The following GULP1 variants were observed in gnomAD, a reference collection of about 807,000 sequenced individuals.
GULP1 encodes GULP PTB domain containing engulfment adaptor 1.
A neutral mutation model predicts 40.9 loss-of-function variants in GULP1; 19 were observed. That is an observed-to-expected ratio of 0.46 (90% CI 0.32 to 0.68). The LOEUF (loss-of-function observed/expected upper bound fraction) is 0.68, where lower values mean the gene tolerates loss of function less well. Ranked by LOEUF, GULP1 falls within the 30% of genes least tolerant of loss-of-function variation. The pLI, the probability that GULP1 is intolerant of heterozygous loss-of-function variation, is 0.03. For missense variants in GULP1, 312 were observed against 362.2 expected, an observed-to-expected ratio of 0.86 and a Z score of 1.12; for synonymous variants, 119 against 117.6, an observed-to-expected ratio of 1.01 and a Z score of -0.08.
chr2:188,576,003 T>C (rs866909678), intron 9 of GULP1, among the ~76,000 whole-genome samples: 4 of 150,210 alleles, frequency 2.7e-5, no homozygotes, highest in Non-Finnish European at 5.9e-5. Context: ...TTGGGGGCAG[T>C]ACACACACAC....
At chr2:188,299,494 T>C (rs891889950) in intron 1 of GULP1, among the ~76,000 whole-genome samples, 9 of 152,234 alleles carry the variant, frequency 5.9e-5, no homozygotes, top group Non-Finnish European at 1.0e-4. Flanking sequence ...ATTCACTTAA[T>C]ATACATTTGA....
intron 4 of GULP1, among the ~76,000 whole-genome samples, chr2:188,495,327 A>G (rs992060356): frequency 6.6e-6 from 1 of 152,078 alleles, no homozygotes; most frequent in African/African-American, 2.4e-5. Context: ...CCAGGCCCCA[A>G]CCCCATCACC....
chr2:188,346,632 A>G (rs906189968), intron 1 of GULP1, among the ~76,000 whole-genome samples: 1 of 151,642 alleles, frequency 6.6e-6, no homozygotes, highest in African/African-American at 2.4e-5. Flanking sequence ...AACTGGGACT[A>G]CAGGCGCCGG....
At chr2:188,295,978 C>T (rs940132447) in intron 1 of GULP1, among the ~76,000 whole-genome samples, 4 of 151,480 alleles carry the variant, frequency 2.6e-5, no homozygotes, top group East Asian at 1.9e-4. Flanking sequence ...TGATTCAATT[C>T]GCGATATTGC....
chr2:188,482,450 T>C (rs2061512522), intron 3 of GULP1, among the ~76,000 whole-genome samples: 1 of 151,844 alleles, frequency 6.6e-6, no homozygotes, highest in Non-Finnish European at 1.5e-5. Context: ...CTATTTATAA[T>C]ACTGATTCCA....
At position 188,375,681 on chromosome 2, in the gene GULP1, A is replaced by C. The variant is rs182501515; in HGVS notation, c.-171-8082A>C. Among the ~76,000 whole-genome samples the C allele has an allele frequency of 4.2e-3, 634 of 152,308 alleles. 7 individuals are homozygous for C. The highest frequency in any genetic ancestry group is 0.015 in the African/African-American group (609 of 41,566). On this transcript the variant is annotated intron_variant, in intron 1 of 11. Transcript: ENST00000409830. ...TGGCTTTTAGAATAGATGTTGTATA[A>C]ATATTTTCTTTAATCATCTGAATAT...
chr2:188,514,082 T>TGTGTGTGTGTGC (rs766246317), intron 4 of GULP1, among the ~76,000 whole-genome samples: 244 of 149,318 alleles, frequency 1.6e-3, no homozygotes, highest in East Asian at 2.6e-3. Flanking sequence ...TGTGTGTGTG[T>TGTGTGTGTGTGC]GCGCCCTGCC....
intron 1 of GULP1, among the ~76,000 whole-genome samples, chr2:188,321,738 C>T (rs1184377161): frequency 6.6e-6 from 1 of 151,828 alleles, no homozygotes; most frequent in Non-Finnish European, 1.5e-5. Context: ...CTCAGGTAGC[C>T]AAGCATGGTG....
intron 1 of GULP1, among the ~76,000 whole-genome samples, chr2:188,305,772 T>TA (rs72135247): frequency 0.15 from 23,043 of 152,070 alleles, 1,870 homozygotes; most frequent in African/African-American, 0.17. Context: ...TTCTTCTTTT[T>TA]AAAAAGATTT....
chr2:188,393,406 G>T (rs2050789757), intron 2 of GULP1, among the ~76,000 whole-genome samples: 1 of 151,540 alleles, frequency 6.6e-6, no homozygotes, highest in Admixed American at 6.6e-5. Flanking sequence ...GCTTGATTTT[G>T]GTTCCCATTT....
chr2:188,497,447 A>G (rs922777540), intron 4 of GULP1, among the ~76,000 whole-genome samples: 2 of 152,028 alleles, frequency 1.3e-5, no homozygotes, highest in African/African-American at 2.4e-5. Flanking sequence ...GATAAAGATA[A>G]TGGACTATTA....
At chr2:188,408,810 T>C (rs1339710933) in intron 2 of GULP1, among the ~76,000 whole-genome samples, 1 of 152,220 alleles carries the variant, frequency 6.6e-6, no homozygotes, top group Non-Finnish European at 1.5e-5. Context: ...ATGAAGTCAT[T>C]TCAAGTATCT....
chr2:188,374,473 CT>C (rs2152458635), intron 1 of GULP1, among the ~76,000 whole-genome samples: 1 of 152,100 alleles, frequency 6.6e-6, no homozygotes, highest in South Asian at 2.1e-4. Flanking sequence ...ATATTTATTT[CT>C]CTCTCATAGC....
At chr2:188,496,785 A>T (rs998478052) in intron 4 of GULP1, among the ~76,000 whole-genome samples, 1 of 151,918 alleles carries the variant, frequency 6.6e-6, no homozygotes, top group African/African-American at 2.4e-5. Context: ...AGGTTATTAG[A>T]TCATGGGGGG....
intron 2 of GULP1, among the ~76,000 whole-genome samples, chr2:188,434,411 T>G (rs1278657064): frequency 1.3e-5 from 2 of 151,786 alleles, no homozygotes; most frequent in East Asian, 1.9e-4. Flanking sequence ...TGCCCAAGTT[T>G]ACAACATACT....
At chr2:188,520,614 T>C (rs2065656173) in intron 4 of GULP1, among the ~76,000 whole-genome samples, 1 of 152,020 alleles carries the variant, frequency 6.6e-6, no homozygotes, top group Non-Finnish European at 1.5e-5. Context: ...AACTGAGCTT[T>C]ACTCTCTAGC....
At chr2:188,428,460 C>T (rs547072259) in intron 2 of GULP1, among the ~76,000 whole-genome samples, 32 of 152,112 alleles carry the variant, frequency 2.1e-4, no homozygotes, top group African/African-American at 6.5e-4. Context: ...TATTGTAGGA[C>T]GGGCTTGGTG....
intron 1 of GULP1, among the ~76,000 whole-genome samples, chr2:188,295,184 C>T (rs1226994589): frequency 6.6e-6 from 1 of 152,152 alleles, no homozygotes. Context: ...CAGAACTTGG[C>T]TCTCTTCTCA....
intron 4 of GULP1, among the ~76,000 whole-genome samples, chr2:188,505,564 T>G (rs543551411): frequency 6.6e-6 from 1 of 151,820 alleles, no homozygotes; most frequent in South Asian, 2.1e-4. Flanking sequence ...TCACACACTC[T>G]TCTGAGGTAC....
Sources: allele counts gnomAD v4.1 joint callset (sites outside exome capture counted in the v4.1 genomes callset), GRCh38; gene constraint gnomAD v4.1.1; transcripts MANE v1.5; gene names NCBI Gene and HGNC (gene_info 2026-07-23, HGNC 2026-07-21).